Variants in ESRRG observed in about 807,000 individuals in gnomAD.
The protein encoded by ESRRG is estrogen-related receptor gamma.
A neutral mutation model predicts 44.0 loss-of-function variants in ESRRG; 13 were observed. That is an observed-to-expected ratio of 0.30 (90% CI 0.19 to 0.47). The LOEUF is 0.47. Ranked by LOEUF, ESRRG falls within the 20% of genes least tolerant of loss-of-function variation. The pLI, the probability that ESRRG is intolerant of heterozygous loss-of-function variation, is 1.00. For synonymous variants in ESRRG, 215 were observed against 214.6 expected (o/e 1.00, Z -0.02); for missense variants, 395 against 580.6 (o/e 0.68, Z 3.29).
At chr1:216,658,176 T>G (rs1385294437) in intron 2 of ESRRG, among the ~76,000 whole-genome samples, 2 of 152,144 alleles carry the variant, frequency 1.3e-5, no homozygotes, top group African/African-American at 4.8e-5. Flanking sequence ...ACTGGCCACC[T>G]CCCTGTGCAA....
chr1:216,774,614 TAA>T (rs1489021291), intron 2 of ESRRG, among the ~76,000 whole-genome samples: 1 of 152,022 alleles, frequency 6.6e-6, no homozygotes, highest in Non-Finnish European at 1.5e-5. Context: ...TGTTCATAAA[TAA>T]AGACTTTGAA....
chr1:216,778,571 C>T (rs930647303), intron 2 of ESRRG, among the ~76,000 whole-genome samples: 6 of 151,880 alleles, frequency 4.0e-5, no homozygotes, highest in Non-Finnish European at 7.4e-5. Context: ...CTTGGCCCAT[C>T]GCAGAGGTCA....
chr1:217,002,291 G>C (rs578253933), intron 1 of ESRRG, among the ~76,000 whole-genome samples: 1 of 120,004 alleles, frequency 8.3e-6, no homozygotes, highest in African/African-American at 3.3e-5. Flanking sequence ...ATCAGAGTGA[G>C]ATTCTGTCTA....
intron 2 of ESRRG, among the ~76,000 whole-genome samples, chr1:216,664,337 T>G (rs894287302): frequency 6.6e-6 from 1 of 151,936 alleles, no homozygotes; most frequent in African/African-American, 2.4e-5. Flanking sequence ...ATGATAGAAG[T>G]GCCTACTTCA....
At chr1:216,533,857 T>C (rs2050121060) in intron 5 of ESRRG, among the ~76,000 whole-genome samples, 1 of 152,174 alleles carries the variant, frequency 6.6e-6, no homozygotes, top group South Asian at 2.1e-4. Context: ...TGTTCCATAC[T>C]GCTTCAGGAT....
At chr1:216,571,259 A>G (rs146294946) in intron 3 of ESRRG, among the ~76,000 whole-genome samples, 1,776 of 152,248 alleles carry the variant, frequency 0.012, 37 homozygotes, top group African/African-American at 0.04. Context: ...CCTGGCCAAC[A>G]TGGCGAGAAC....
chr1:216,960,196 T>C (rs534388107), intron 1 of ESRRG, among the ~76,000 whole-genome samples: 18 of 152,312 alleles, frequency 1.2e-4, no homozygotes, highest in African/African-American at 4.1e-4. Flanking sequence ...ACATATTTTA[T>C]GGTGTTTGAA....
At chr1:216,906,035 G>C (rs2059650672) in intron 2 of ESRRG, among the ~76,000 whole-genome samples, 1 of 152,206 alleles carries the variant, frequency 6.6e-6, no homozygotes, top group Non-Finnish European at 1.5e-5. Flanking sequence ...ACAGGCATGA[G>C]CCACTGTGCT....
chr1:216,829,939 C>A (rs1013811237), intron 2 of ESRRG, among the ~76,000 whole-genome samples: 64 of 152,242 alleles, frequency 4.2e-4, no homozygotes, highest in African/African-American at 1.5e-3. Flanking sequence ...GGCTAAAATA[C>A]CAGCCAACTT....
chr1:216,922,622 G>C (rs1200640606), intron 2 of ESRRG, among the ~76,000 whole-genome samples: 1 of 152,146 alleles, frequency 6.6e-6, no homozygotes, highest in African/African-American at 2.4e-5. Flanking sequence ...ATAGTTGCAG[G>C]ATTTCAACTT....
chr1:216,560,659 T>C, intron 5 of ESRRG, among the ~76,000 whole-genome samples: 1 of 152,096 alleles, frequency 6.6e-6, no homozygotes, highest in Middle Eastern at 3.4e-3. Context: ...GAAACCTAGC[T>C]CTAATATTTG....
intron 3 of ESRRG, among the ~76,000 whole-genome samples, chr1:216,631,560 T>C (rs1235703465): frequency 2.6e-5 from 4 of 152,158 alleles, no homozygotes; most frequent in Non-Finnish European, 1.5e-5. Flanking sequence ...CTTCCTTTGG[T>C]CCCTCTCCAA....
intron 1 of ESRRG, among the ~76,000 whole-genome samples, chr1:217,005,286 G>A (rs1411354477): frequency 3.9e-5 from 6 of 152,154 alleles, no homozygotes; most frequent in African/African-American, 9.6e-5. Flanking sequence ...TGACCAGAGC[G>A]GTAGATGATT....
intron 3 of ESRRG, among the ~76,000 whole-genome samples, chr1:216,568,909 C>G (rs2060166576): frequency 6.6e-6 from 1 of 151,912 alleles, no homozygotes; most frequent in South Asian, 2.1e-4. Context: ...ACAAAATTAG[C>G]CAGGCGTGGT....
At chr1:216,740,585 GGAC>G (rs1466769501) in intron 2 of ESRRG, among the ~76,000 whole-genome samples, 10 of 150,636 alleles carry the variant, frequency 6.6e-5, no homozygotes, top group African/African-American at 2.0e-4. Flanking sequence ...GTTCAATTTT[GGAC>G]GAGAGAGATT....
chr1:217,093,101 A>G (rs961373098), upstream of ESRRG, among the ~76,000 whole-genome samples: 1 of 152,152 alleles, frequency 6.6e-6, no homozygotes, highest in African/African-American at 2.4e-5. Flanking sequence ...TGAATTTTTG[A>G]TGTCAAGATA....
intron 2 of ESRRG, among the ~76,000 whole-genome samples, chr1:216,729,892 C>T (rs2088362766): frequency 6.6e-6 from 1 of 152,156 alleles, no homozygotes; most frequent in African/African-American, 2.4e-5. Context: ...CAAGGCTTTG[C>T]TCTTGTTACA....
chr1:216,612,911 G>C (rs910419913), intron 3 of ESRRG, among the ~76,000 whole-genome samples: 2 of 152,158 alleles, frequency 1.3e-5, no homozygotes, highest in African/African-American at 4.8e-5. Flanking sequence ...CTAAATACAT[G>C]GGCCAGAATA....
chr1:216,563,305 C>T (rs2059116708), intron 5 of ESRRG, among the ~76,000 whole-genome samples: 1 of 152,192 alleles, frequency 6.6e-6, no homozygotes, highest in Admixed American at 6.5e-5. Context: ...TTCAAATTAG[C>T]TTCACTGCGA....
Sources: allele counts gnomAD v4.1 joint callset (sites outside exome capture counted in the v4.1 genomes callset), GRCh38; gene constraint gnomAD v4.1.1; transcripts MANE v1.5; gene names NCBI Gene and HGNC (gene_info 2026-07-23, HGNC 2026-07-21).